The following KCNMB1 variants were observed in gnomAD, a reference collection of about 807,000 sequenced individuals.
KCNMB1 encodes the protein potassium calcium-activated channel subfamily M regulatory beta subunit 1.
Under a neutral mutation model 21.7 loss-of-function variants are expected in KCNMB1, and 22 were observed. That is an observed-to-expected ratio of 1.01 (90% CI 0.72 to 1.45). The LOEUF is 1.45. Among genes scored for constraint, KCNMB1 ranks in the 40% most tolerant of loss-of-function variants. KCNMB1 has a pLI of 0.00. For missense variants in KCNMB1, 243 were observed against 243.4 expected (o/e 1.00, Z 0.01); for synonymous variants, 114 against 107.6 (o/e 1.06, Z -0.37).
In KCNMB1 at chr5:170,383,722, G is replaced by A; in HGVS notation, c.263C>T (p.Ala88Val). The change falls in exon 3 of 4, where the codon GCT becomes GTT. Residue 88 changes from alanine (A) to valine (V), a missense_variant. Transcript: ENST00000274629. ...WVNVSAAGRW[A>V]VLYHTEDTRD... ...AGTGTCCTCCGTGTGGTACAGCACAGCCCACCTGCCGGCAGCTGACACGTT... is the reference window on the plus strand; with the variant it reads ...AGTGTCCTCCGTGTGGTACAGCACAACCCACCTGCCGGCAGCTGACACGTT... 1 of 1,614,158 alleles carries A rather than the reference G, an allele frequency of 6.2e-7. No homozygotes were observed. Among genetic ancestry groups the A allele is most frequent in the Non-Finnish European group, 8.5e-7 (1 of 1,180,020 alleles).
Position 170,378,839 on chromosome 5 carries a change from T to TA in KCNMB1, c.440dup (p.Phe148IlefsTer120), listed in dbSNP as rs1192645244. 2 of 1,614,206 alleles carry TA rather than the reference T, an allele frequency of 1.2e-6. No homozygotes were observed. Among genetic ancestry groups the TA allele is most frequent in the South Asian group, 2.2e-5 (2 of 91,076 alleles). On this transcript the variant is annotated frameshift_variant, in exon 4 of 4. Coordinates refer to ENST00000274629, the MANE Select transcript of KCNMB1 (RefSeq NM_004137.4). LOFTEE classifies it high-confidence loss of function. ...CCTGGGGCCCGTAGAGGCGCTGGAATAGGACGCTGGTTTCGTTCCCCCGAG... is the reference window on the plus strand; with the variant it reads ...CCTGGGGCCCGTAGAGGCGCTGGAATAAGGACGCTGGTTTCGTTCCCCCGAG...
In KCNMB1 at chr5:170,378,925, C is replaced by T. The variant is rs775722063; in HGVS notation, c.355G>A (p.Asp119Asn). The T allele has an allele frequency of 1.5e-5, 24 of 1,614,052 alleles. No individual in the cohort carries two copies. The highest frequency in any genetic ancestry group is 1.9e-5 in the Non-Finnish European group (23 of 1,180,004). ...AATTTGGCTCTGACCTTCTCCACGT[C>T]GGCCCGGGCCGTCTGGTAATTGTCC... ...SVDNYQTARA[D>N]VEKVRAKFQE... Residue 119 changes from aspartate (D) to asparagine (N), a missense_variant, in exon 4 of 4, where the codon GAC becomes AAC. Asp to Asn is a conservative substitution (Grantham distance 23). Coordinates refer to ENST00000274629, the MANE Select transcript of KCNMB1 (RefSeq NM_004137.4).
Position 170,375,384 on chromosome 5 carries a change from G to A in KCNMB1, c.*3320C>T, listed in dbSNP as rs1471102924. On this transcript the variant is annotated 3_prime_UTR_variant, in exon 4 of 4. Transcript: ENST00000274629. Reference sequence around the variant, plus strand: ...CCAGGTAAGAAACTGGAGGCCACAGGGATACCTCTGGGCTCCCTGGCTGGA... The same window carrying A: ...CCAGGTAAGAAACTGGAGGCCACAGAGATACCTCTGGGCTCCCTGGCTGGA... 1.3e-5 allele frequency: 2 copies of A among 152,232 alleles called. No individual in the cohort carries two copies. The highest frequency in any genetic ancestry group is 4.8e-5 in the African/African-American group (2 of 41,450). The allele number at this position is 152,232 out of a possible 1,614,324, so 9.4% of individuals were successfully genotyped here.
At chr5:170,381,985 A>C (rs827775) in intron 3 of KCNMB1, among the ~76,000 whole-genome samples, 69,694 of 151,614 alleles carry the variant, frequency 0.46, 16,854 homozygotes, top group African/African-American at 0.61. Context: ...CCCACTTCTC[A>C]TTGACCTTCA....
intron 1 of KCNMB1, among the ~76,000 whole-genome samples, chr5:170,387,801 G>A (rs907541486): frequency 4.6e-5 from 7 of 152,212 alleles, no homozygotes; most frequent in African/African-American, 1.7e-4. Flanking sequence ...TCACCTGGAG[G>A]TAAGCTAAAA....
rs1180963448 is a variant in KCNMB1, at chr5:170,376,037, TC to T, written c.*2666del. On this transcript the variant is annotated 3_prime_UTR_variant, in exon 4 of 4. Coordinates refer to ENST00000274629, the MANE Select transcript of KCNMB1 (RefSeq NM_004137.4). ...GGTTCAGGAGTATCTCATTTTTTTT[TC>T]CAAGGCAAACTAATTAGTACAGTGC... The T allele has an allele frequency of 3.3e-5, 5 of 152,022 alleles. No homozygotes were observed. Among genetic ancestry groups the T allele is most frequent in the Admixed American group, 1.3e-4 (2 of 15,250 alleles). 9.4% of individuals were successfully genotyped at this position (152,022 alleles called of 1,614,324 possible).
At chr5:170,383,226 A>G (rs1347188352) in intron 3 of KCNMB1, 1 of 282,518 alleles carries the variant, frequency 3.5e-6, no homozygotes, top group Non-Finnish European at 6.7e-6. Flanking sequence ...TTTCCTGGGG[A>G]GTCACCGGGA....
At position 170,375,082 on chromosome 5, in the gene KCNMB1, T is replaced by G. The variant is rs75284231; in HGVS notation, c.*3622A>C. ...TAGACCCTTTAAATCAGACTCCAAGTTGGGACTTCCTTTCTTATTTTTCTT... is the reference window on the plus strand; with the variant it reads ...TAGACCCTTTAAATCAGACTCCAAGGTGGGACTTCCTTTCTTATTTTTCTT... On this transcript the variant is annotated 3_prime_UTR_variant, in exon 4 of 4. Transcript: ENST00000274629. 6.6e-6 allele frequency: 1 copy of G among 152,216 alleles called. No individual in the cohort carries two copies. Among genetic ancestry groups the G allele is most frequent in the African/African-American group, 2.4e-5 (1 of 41,464 alleles). The allele number at this position is 152,216 out of a possible 1,614,324, so 9.4% of individuals were successfully genotyped here. A position where few individuals can be genotyped will look rare whatever the true frequency, so the allele number is the denominator to read the frequency against.
At position 170,375,564 on chromosome 5, in the gene KCNMB1, TCAGCCCTTCACAGCTGGCTCTG is replaced by T. The variant is rs879813570; in HGVS notation, c.*3118_*3139del. The T allele has an allele frequency of 0.035, 3,660 of 103,622 alleles. 98 individuals carry two copies. Among genetic ancestry groups the T allele is most frequent in the African/African-American group, 0.084 (2,466 of 29,202 alleles). 6.4% of individuals were successfully genotyped at this position (103,622 alleles called of 1,614,324 possible). On this transcript the variant is annotated 3_prime_UTR_variant, in exon 4 of 4. Transcript: ENST00000274629. The stretch of plus-strand genomic sequence containing the variant: ...AGCCCTTCACAGCTGGCTCTGCCCC[TCAGCCCTTCACAGCTGGCTCTG>T]CCCCTCAGCCCTTCACAGCTGGCTC...
chr5:170,382,655 CTTTT>C (rs5873227), intron 3 of KCNMB1: 4,229 of 129,496 alleles, frequency 0.033, 165 homozygotes, highest in African/African-American at 0.11. Context: ...AAGAGCCTTT[CTTTT>C]TTTTTTTTTT....
At position 170,378,407 on chromosome 5, in the gene KCNMB1, T is replaced by C. The variant is rs314156; in HGVS notation, c.*297A>G. 0.11 allele frequency: 38,473 copies of C among 335,132 alleles called. 2,813 individuals are homozygous for C. Among genetic ancestry groups the C allele is most frequent in the African/African-American group, 0.23 (11,011 of 47,130 alleles). 20.8% of individuals were successfully genotyped at this position (335,132 alleles called of 1,614,324 possible). On this transcript the variant is annotated 3_prime_UTR_variant, in exon 4 of 4. Coordinates refer to ENST00000274629, the MANE Select transcript of KCNMB1 (RefSeq NM_004137.4). ...CGATCATCGTTCTCTGTGGGGCACA[T>C]AGTGATGCAGCCGGAAACAGGTATG...
chr5:170,387,601 A>G (rs1341179951), intron 1 of KCNMB1, among the ~76,000 whole-genome samples: 9 of 152,116 alleles, frequency 5.9e-5, no homozygotes, highest in African/African-American at 2.2e-4. Flanking sequence ...CTGCATTCTA[A>G]TGGAGACATT....
chr5:170,380,299 C>T (rs1764187810), intron 3 of KCNMB1, among the ~76,000 whole-genome samples: 1 of 152,184 alleles, frequency 6.6e-6, no homozygotes, highest in Non-Finnish European at 1.5e-5. Flanking sequence ...CCCCATAGCC[C>T]AGGTCCCTAC....
chr5:170,388,230 A>G (rs1424177910), intron 1 of KCNMB1, among the ~76,000 whole-genome samples: 1 of 152,182 alleles, frequency 6.6e-6, no homozygotes, highest in African/African-American at 2.4e-5. Flanking sequence ...TGGTCTGATG[A>G]GATTGTTGCC....
At position 170,376,045 on chromosome 5, in the gene KCNMB1, A is replaced by C. The variant is rs1293788150; in HGVS notation, c.*2659T>G. On this transcript the variant is annotated 3_prime_UTR_variant, in exon 4 of 4. Coordinates refer to ENST00000274629, the MANE Select transcript of KCNMB1 (RefSeq NM_004137.4). ...AGTATCTCATTTTTTTTTCCAAGGC[A>C]AACTAATTAGTACAGTGCCTGGCAC... is the stretch of plus-strand genomic sequence containing the variant. 2.6e-5 allele frequency: 4 copies of C among 152,040 alleles called. No individual in the cohort carries two copies. The highest frequency in any genetic ancestry group is 9.7e-5 in the African/African-American group (4 of 41,358). The allele number at this position is 152,040 out of a possible 1,614,324, so 9.4% of individuals were successfully genotyped here.
chr5:170,378,704 C>G lies in KCNMB1; in HGVS notation c.576G>C (p.Ter192TyrextTer49). ...QYLSILAAQK* is the reference protein window; with the variant it reads ...QYLSILAAQKY ...AGTGGTATGGCATGGATGGATGGCTCTACTTCTGGGCCGCCAGGATGGACA... is the reference window on the plus strand; with the variant it reads ...AGTGGTATGGCATGGATGGATGGCTGTACTTCTGGGCCGCCAGGATGGACA... The change falls in exon 4 of 4, where the codon TAG (stop) becomes TAC (tyrosine). Residue 192 changes from the stop codon to tyrosine (Y), a stop_lost. Coordinates refer to ENST00000274629, the MANE Select transcript of KCNMB1 (RefSeq NM_004137.4). The G allele has an allele frequency of 6.2e-7, 1 of 1,607,142 alleles. No homozygotes were observed. The highest frequency in any genetic ancestry group is 8.5e-7 in the Non-Finnish European group (1 of 1,176,812).
intron 3 of KCNMB1, chr5:170,382,644 C>A (rs1040841034): frequency 3.3e-5 from 5 of 152,580 alleles, no homozygotes; most frequent in Non-Finnish European, 5.8e-5. Context: ...AAGCCTAATC[C>A]AAGAGCCTTT....
Position 170,378,585 on chromosome 5 carries a change from T to G in KCNMB1, c.*119A>C, listed in dbSNP as rs142022522. 8.9e-5 allele frequency: 93 copies of G among 1,047,816 alleles called. No individual in the cohort carries two copies. The African/African-American group carries it at 1.2e-3, about 14-fold the overall frequency. 64.9% of individuals were successfully genotyped at this position (1,047,816 alleles called of 1,614,324 possible). Reference sequence around the variant, plus strand: ...GTCCTGCAACAGAAGACAGCGTGGATTGGACTGGAAGAGTGGGAGGGCAGG... The same window carrying G: ...GTCCTGCAACAGAAGACAGCGTGGAGTGGACTGGAAGAGTGGGAGGGCAGG... On this transcript the variant is annotated 3_prime_UTR_variant, in exon 4 of 4. Transcript: ENST00000274629.
intron 3 of KCNMB1, among the ~76,000 whole-genome samples, chr5:170,381,585 C>T (rs939558933): frequency 3.3e-5 from 5 of 152,326 alleles, no homozygotes; most frequent in Non-Finnish European, 2.9e-5. Context: ...ATTTCCACTG[C>T]TTCCTCCCAG....
Sources: allele counts gnomAD v4.1 joint callset (sites outside exome capture counted in the v4.1 genomes callset), GRCh38; gene constraint gnomAD v4.1.1; transcripts MANE v1.5; gene names NCBI Gene and HGNC (gene_info 2026-07-23, HGNC 2026-07-21).